ATRNL1: variants seen among roughly 807,000 people sequenced by gnomAD.
ATRNL1 encodes attractin-like protein 1.
A neutral mutation model predicts 182.7 loss-of-function variants in ATRNL1; 95 were observed. That is an observed-to-expected ratio of 0.52 (90% CI 0.44 to 0.62). ATRNL1 has a LOEUF of 0.62. Ranked by LOEUF, ATRNL1 falls within the 20% of genes least tolerant of loss-of-function variation. The pLI is 0.00. For synonymous variants in ATRNL1, 576 were observed against 568.3 expected, an observed-to-expected ratio of 1.01 and a Z score of -0.19; for missense variants, 1,471 against 1,679.5, an observed-to-expected ratio of 0.88 and a Z score of 2.17.
In ATRNL1 at chr10:115,611,283, G is replaced by A. The variant is rs138400528; in HGVS notation, c.3795+61747G>A. On this transcript the variant is annotated intron_variant, in intron 26 of 28. Coordinates refer to ENST00000355044, the MANE Select transcript of ATRNL1 (RefSeq NM_207303.4). Reference sequence around the variant, plus strand: ...AATCCTTAATTATAAGTAGTATTTCGGGCTTACAAAATATATGCATTTCCT... The same window carrying A: ...AATCCTTAATTATAAGTAGTATTTCAGGCTTACAAAATATATGCATTTCCT... Among the ~76,000 whole-genome samples the A allele has an allele frequency of 7.1e-3, 1,081 of 151,874 alleles. 13 individuals carry two copies. Among genetic ancestry groups the A allele is most frequent in the African/African-American group, 0.025 (1,027 of 41,448 alleles).
intron 3 of ATRNL1, among the ~76,000 whole-genome samples, chr10:115,126,358 C>T (rs1844976608): frequency 1.3e-5 from 2 of 152,032 alleles, no homozygotes; most frequent in Admixed American, 1.3e-4. Context: ...GCGCCTGGCC[C>T]AGACCTATTC....
At chr10:115,108,972 C>T (rs1844141928) in intron 1 of ATRNL1, among the ~76,000 whole-genome samples, 1 of 152,164 alleles carries the variant, frequency 6.6e-6, no homozygotes, top group Non-Finnish European at 1.5e-5. Flanking sequence ...TTTGCAGTAT[C>T]TCTTTCCTCC....
At position 115,726,855 on chromosome 10, in the gene ATRNL1, G is replaced by GT. The variant is rs10548508; in HGVS notation, c.3796-381dup. Among the ~76,000 whole-genome samples the GT allele has an allele frequency of 9.5e-3, 1,387 of 146,766 alleles. 14 individuals are homozygous for GT. Among genetic ancestry groups the GT allele is most frequent in the African/African-American group, 0.026 (1,042 of 39,854 alleles). On this transcript the variant is annotated intron_variant, in intron 26 of 28. Transcript: ENST00000355044. ...TTATCTTTTCTTAAATATTTTTACTGTTTTTTTTTTTTCTTTTTCAGCTAA... is the reference window on the plus strand; with the variant it reads ...TTATCTTTTCTTAAATATTTTTACTGTTTTTTTTTTTTTCTTTTTCAGCTAA...
intron 27 of ATRNL1, among the ~76,000 whole-genome samples, chr10:115,843,013 T>C (rs1337610286): frequency 6.6e-6 from 1 of 152,096 alleles, no homozygotes; most frequent in Non-Finnish European, 1.5e-5. Context: ...ACTATCCCTT[T>C]AATATCCACA....
intron 26 of ATRNL1, among the ~76,000 whole-genome samples, chr10:115,654,444 C>A (rs1010149111): frequency 1.3e-5 from 2 of 152,024 alleles, no homozygotes; most frequent in African/African-American, 4.8e-5. Flanking sequence ...GTCTCCAACT[C>A]CTGACCTCAG....
chr10:115,159,886 AT>A (rs1846697556), intron 5 of ATRNL1, among the ~76,000 whole-genome samples, 153 bp from the exon 6 acceptor site: 1 of 151,718 alleles, frequency 6.6e-6, no homozygotes, highest in Admixed American at 6.6e-5. Flanking sequence ...TTCTGTGAGT[AT>A]TATTCTTGTA....
intron 27 of ATRNL1, among the ~76,000 whole-genome samples, chr10:115,750,748 A>G (rs1948425890): frequency 6.6e-6 from 1 of 152,098 alleles, no homozygotes; most frequent in African/African-American, 2.4e-5. Flanking sequence ...CCTAAAATAT[A>G]AAGCACTTTT....
intron 25 of ATRNL1, among the ~76,000 whole-genome samples, chr10:115,547,435 G>T (rs963419523): frequency 2.6e-5 from 4 of 152,098 alleles, no homozygotes; most frequent in African/African-American, 9.6e-5. Context: ...TTGAAACTAA[G>T]AAATCTTTTA....
chr10:115,786,566 A>AG (rs1329143213), intron 27 of ATRNL1, among the ~76,000 whole-genome samples: 2 of 152,160 alleles, frequency 1.3e-5, no homozygotes, highest in Admixed American at 1.3e-4. Context: ...CCTTCTTAGA[A>AG]GGATACAAGT....
chr10:115,336,052 T>C (rs1554936594), intron 19 of ATRNL1, among the ~76,000 whole-genome samples: 1 of 152,234 alleles, frequency 6.6e-6, no homozygotes, highest in Non-Finnish European at 1.5e-5. Flanking sequence ...TACTAATAGC[T>C]TTATTGTCAT....
At chr10:115,754,209 G>A (rs1438976202) in intron 27 of ATRNL1, among the ~76,000 whole-genome samples, 2 of 152,132 alleles carry the variant, frequency 1.3e-5, no homozygotes, top group South Asian at 2.1e-4. Context: ...GGCTTTTGTT[G>A]CCATTGCTTT....
intron 8 of ATRNL1, among the ~76,000 whole-genome samples, chr10:115,183,206 A>T (rs1847813544): frequency 6.6e-6 from 1 of 151,384 alleles, no homozygotes; most frequent in Non-Finnish European, 1.5e-5. Context: ...ATAAAGATTT[A>T]TGGGATACAT....
chr10:115,549,564 T>A, intron 26 of ATRNL1, 28 bp downstream of exon 26: 1 of 1,476,000 alleles, frequency 6.8e-7, no homozygotes, highest in Non-Finnish European at 9.2e-7. Flanking sequence ...TAATCTTTTG[T>A]TTAAAGATTT....
In ATRNL1 at chr10:115,946,323, A is replaced by G. The variant is rs1555125713; in HGVS notation, c.*1544A>G. 6.6e-6 allele frequency: 1 copy of G among 152,194 alleles called. No homozygotes were observed. Among genetic ancestry groups the G allele is most frequent in the African/African-American group, 2.4e-5 (1 of 41,446 alleles). 9.4% of individuals were successfully genotyped at this position (152,194 alleles called of 1,614,324 possible). On this transcript the variant is annotated 3_prime_UTR_variant, in exon 29 of 29. Transcript: ENST00000355044. ...TAGCAGACTATGACCCTATTGTGAT[A>G]TTAAGTGTTTATTTCATAATGCCAT...
chr10:115,821,863 T>G (rs1373789516), intron 27 of ATRNL1, among the ~76,000 whole-genome samples: 1 of 151,656 alleles, frequency 6.6e-6, no homozygotes, highest in African/African-American at 2.4e-5. Context: ...CTGTCAATGT[T>G]AGAGCAACAA....
At chr10:115,342,991 T>C (rs1369310389) in intron 19 of ATRNL1, among the ~76,000 whole-genome samples, 2 of 152,142 alleles carry the variant, frequency 1.3e-5, no homozygotes, top group Non-Finnish European at 2.9e-5. Context: ...GCCAGATGTA[T>C]TGGAGCTCCA....
chr10:115,709,946 C>T (rs1035585652), intron 26 of ATRNL1, among the ~76,000 whole-genome samples: 1 of 151,998 alleles, frequency 6.6e-6, no homozygotes, highest in Non-Finnish European at 1.5e-5. Context: ...TATAAGTTAA[C>T]ATTTTATGCT....
intron 18 of ATRNL1, among the ~76,000 whole-genome samples, chr10:115,318,367 T>C (rs1854411608): frequency 6.6e-6 from 1 of 152,204 alleles, no homozygotes; most frequent in Admixed American, 6.5e-5. Flanking sequence ...GTTGTGTCTC[T>C]TCCTGGTTTT....
intron 5 of ATRNL1, among the ~76,000 whole-genome samples, chr10:115,157,707 C>T (rs182979098): frequency 4.0e-4 from 61 of 152,092 alleles, no homozygotes; most frequent in African/African-American, 1.4e-3. Context: ...ACGATAATCT[C>T]TCCCAAATTT....
Sources: gnomAD v4.1 joint callset for allele counts (sites outside exome capture counted in the v4.1 genomes callset) on GRCh38, gnomAD v4.1.1 for gene constraint, MANE v1.5 for transcripts, NCBI Gene and HGNC (gene_info 2026-07-23, HGNC 2026-07-21) for gene names.